Variants in UGT1A7 observed in about 807,000 individuals in gnomAD.
UGT1A7 encodes the protein UDP-glucuronosyltransferase 1A7.
In UGT1A7, 33 loss-of-function variants were observed where a neutral mutation model predicts 45.6. The observed-to-expected ratio is 0.72, with a 90% CI of 0.55 to 0.97. The LOEUF (loss-of-function observed/expected upper bound fraction) is 0.97, where lower values mean the gene tolerates loss of function less well. UGT1A7 is among the 50% of genes least tolerant of loss of function. The pLI is 0.00. For synonymous variants in UGT1A7, 274 were observed against 250.6 expected, an observed-to-expected ratio of 1.09 and a Z score of -0.88; for missense variants, 684 against 666.2, an observed-to-expected ratio of 1.03 and a Z score of -0.29.
At chr2:233,704,742 G>A (rs1423221721) in intron 1 of UGT1A7, among the ~76,000 whole-genome samples, 1 of 151,988 alleles carries the variant, frequency 6.6e-6, no homozygotes, top group East Asian at 1.9e-4. Flanking sequence ...CCTCCCTTGT[G>A]CTATTATTGT....
chr2:233,682,893 G>A, intron 1 of UGT1A7, 101 bp downstream of exon 1: 19 of 1,506,370 alleles, frequency 1.3e-5, no homozygotes, highest in Non-Finnish European at 1.6e-5. Context: ...GTCCCATTTG[G>A]AATTTCTTTC....
At chr2:233,742,781 C>A (rs550270409) in intron 1 of UGT1A7, 1 of 153,010 alleles carries the variant, frequency 6.5e-6, no homozygotes, top group African/African-American at 2.4e-5. Context: ...TTGTTTTGAA[C>A]CATCATTAAA....
chr2:233,729,140 T>A (rs764216877), intron 1 of UGT1A7: 1 of 1,613,384 alleles, frequency 6.2e-7, no homozygotes, highest in Admixed American at 1.7e-5. Flanking sequence ...GCCACAGGAC[T>A]CCAGGTTCCC....
intron 1 of UGT1A7, chr2:233,719,713 C>T (rs761088378): frequency 6.2e-7 from 1 of 1,613,962 alleles, no homozygotes; most frequent in African/African-American, 1.3e-5. Flanking sequence ...TTCATCCAAT[C>T]AATGTTCCAG....
chr2:233,767,427 G>A (rs1439996149), intron 2 of UGT1A7, among the ~76,000 whole-genome samples: 1 of 152,164 alleles, frequency 6.6e-6, no homozygotes, highest in Non-Finnish European at 1.5e-5. Context: ...GTGTATTAGG[G>A]AGAATTTATT....
chr2:233,686,298 CAA>C (rs1042639536), intron 1 of UGT1A7, among the ~76,000 whole-genome samples: 4 of 151,070 alleles, frequency 2.6e-5, no homozygotes, highest in African/African-American at 7.3e-5. Flanking sequence ...ACAAGAAAAA[CAA>C]GAGATAAATC....
intron 1 of UGT1A7, among the ~76,000 whole-genome samples, chr2:233,696,236 A>T (rs1175700608): frequency 6.6e-6 from 1 of 152,236 alleles, no homozygotes; most frequent in Non-Finnish European, 1.5e-5. Context: ...CAAAATATGG[A>T]ATCAACCTAA....
Position 233,682,374 on chromosome 2 carries a change from T to G in UGT1A7, c.437T>G (p.Phe146Cys), listed in dbSNP as rs1438201790. 4 of 1,614,060 alleles carry G rather than the reference T, an allele frequency of 2.5e-6. No homozygotes were observed. Among genetic ancestry groups the G allele is most frequent in the Non-Finnish European group, 3.4e-6 (4 of 1,179,936 alleles). Residue 146 changes from phenylalanine (F) to cysteine (C), a missense_variant, in exon 1 of 5, where the codon TTT becomes TGT. Phe to Cys is a radical substitution (Grantham distance 205). Coordinates refer to ENST00000373426, the MANE Select transcript of UGT1A7 (RefSeq NM_019077.3). ...AAGGAGAGTTGTTTTGATGCAGTGT[T>G]TCTCGATCCTTTTGATGCCTGTGGC... ...YLKESCFDAV[F>C]LDPFDACGLI...
At position 233,701,259 on chromosome 2, in the gene UGT1A7, G is replaced by A. The variant is rs1386323387; in HGVS notation, c.855+18467G>A. ...CAGTAATGAGATGGCTGGGTCAAAT[G>A]GTATTTCTAGTTCTAGATCCTTGAG... On this transcript the variant is annotated intron_variant, in intron 1 of 4. Coordinates refer to ENST00000373426, the MANE Select transcript of UGT1A7 (RefSeq NM_019077.3). 3.3e-5 allele frequency among the ~76,000 whole-genome samples: 5 copies of A among 152,008 alleles called. No homozygotes were observed. In the East Asian group the frequency reaches 5.8e-4, roughly 18 times the overall value.
rs184398589 is a variant in UGT1A7, at chr2:233,712,244, G to C, written c.855+29452G>C. On this transcript the variant is annotated intron_variant, in intron 1 of 4. Coordinates refer to ENST00000373426, the MANE Select transcript of UGT1A7 (RefSeq NM_019077.3). ...TGAACCCACCATGGGTCTTTGCTAGGGTTGTCTTGCACATGTGTGCTTTAG... is the reference window on the plus strand; with the variant it reads ...TGAACCCACCATGGGTCTTTGCTAGCGTTGTCTTGCACATGTGTGCTTTAG... Among the ~76,000 whole-genome samples the C allele has an allele frequency of 7.5e-4, 114 of 152,296 alleles. 1 individual carries two copies. Among genetic ancestry groups the C allele is most frequent in the Non-Finnish European group, 1.1e-3 (75 of 68,026 alleles).
At chr2:233,753,783 C>T (rs544247097) in intron 1 of UGT1A7, 5 of 152,330 alleles carry the variant, frequency 3.3e-5, no homozygotes, top group Non-Finnish European at 4.4e-5. Context: ...CTTTTCTTTA[C>T]ATTTCCAGGA....
chr2:233,722,101 G>T, intron 1 of UGT1A7: 1 of 200,878 alleles, frequency 5.0e-6, no homozygotes, highest in East Asian at 1.4e-4. Context: ...AGGCCTCTTA[G>T]AGGAAGAGCT....
chr2:233,768,088 A>G, intron 3 of UGT1A7, 132 bp from the exon 4 acceptor site: 2 of 1,591,352 alleles, frequency 1.3e-6, no homozygotes, highest in Non-Finnish European at 1.7e-6. Flanking sequence ...CTCAACCCAC[A>G]TTTTCTTCTG....
In UGT1A7 at chr2:233,761,069, T is replaced by C. The variant is rs772142239; in HGVS notation, c.856-5965T>C. Reference sequence around the variant, plus strand: ...GTCTGGCTGTTTAGAAGTGACTTTGTGAAGGATTACCCTAGGCCCATCATG... The same window carrying C: ...GTCTGGCTGTTTAGAAGTGACTTTGCGAAGGATTACCCTAGGCCCATCATG... On this transcript the variant is annotated intron_variant, in intron 1 of 4. Coordinates refer to ENST00000373426, the MANE Select transcript of UGT1A7 (RefSeq NM_019077.3). 13 of 1,614,208 alleles carry C rather than the reference T, an allele frequency of 8.1e-6. No homozygotes were observed. In the East Asian group the frequency reaches 2.7e-4, roughly 33 times the overall value.
chr2:233,726,889 C>T (rs1279562155), intron 1 of UGT1A7, among the ~76,000 whole-genome samples: 1 of 152,192 alleles, frequency 6.6e-6, no homozygotes, highest in Non-Finnish European at 1.5e-5. Context: ...GAGCTATCAG[C>T]TTACCATTCA....
At chr2:233,699,478 A>G (rs146096566) in intron 1 of UGT1A7, among the ~76,000 whole-genome samples, 192 of 152,320 alleles carry the variant, frequency 1.3e-3, no homozygotes, top group Non-Finnish European at 2.0e-3. Flanking sequence ...AGTAAATCCT[A>G]GTCTCTTCTA....
At chr2:233,724,287 G>A (rs1285366990) in intron 1 of UGT1A7, among the ~76,000 whole-genome samples, 2 of 143,496 alleles carry the variant, frequency 1.4e-5, no homozygotes, top group Admixed American at 1.4e-4. Flanking sequence ...CGGGCGGGGG[G>A]CTGACCCCCC....
intron 1 of UGT1A7, among the ~76,000 whole-genome samples, chr2:233,694,152 C>T (rs1559347022): frequency 6.6e-6 from 1 of 152,148 alleles, no homozygotes; most frequent in Non-Finnish European, 1.5e-5. Flanking sequence ...AGAAATGTCC[C>T]AGTTCAAACA....
rs2076117983 is a variant in UGT1A7 at position 233,710,197 on chromosome 2, A to C, written c.855+27405A>C. On this transcript the variant is annotated intron_variant, in intron 1 of 4. Transcript: ENST00000373426. ...ATTGATGGACATGTGGATAGTTTCCAGTTGTTGGCTATTATGAATAAAGCT... is the reference window on the plus strand; with the variant it reads ...ATTGATGGACATGTGGATAGTTTCCCGTTGTTGGCTATTATGAATAAAGCT... 2.0e-5 allele frequency among the ~76,000 whole-genome samples: 3 copies of C among 152,278 alleles called. No individual in the cohort carries two copies. In the South Asian group the frequency reaches 6.2e-4, roughly 32 times the overall value.
Sources: allele counts gnomAD v4.1 joint callset (sites outside exome capture counted in the v4.1 genomes callset), GRCh38; gene constraint gnomAD v4.1.1; transcripts MANE v1.5; gene names NCBI Gene and HGNC (gene_info 2026-07-23, HGNC 2026-07-21).